Variants in GKN2 observed in about 807,000 individuals in gnomAD.
GKN2 encodes gastrokine 2.
Under a neutral mutation model 22.7 loss-of-function variants are expected in GKN2, and 17 were observed. That is an observed-to-expected ratio of 0.75 (90% CI 0.51 to 1.13). The LOEUF (loss-of-function observed/expected upper bound fraction) is 1.13, where lower values mean the gene tolerates loss of function less well. GKN2 is among the 50% of genes most tolerant of loss of function. GKN2 has a pLI of 0.00. For missense variants in GKN2, 248 were observed against 221.4 expected, an observed-to-expected ratio of 1.12 and a Z score of -0.76; for synonymous variants, 82 against 79.6, an observed-to-expected ratio of 1.03 and a Z score of -0.16.
Position 68,952,384 on chromosome 2 carries a change from T to C in GKN2, c.12+466A>G, listed in dbSNP as rs574637794. 1.1e-3 allele frequency among the ~76,000 whole-genome samples: 163 copies of C among 152,268 alleles called. 1 individual carries two copies. The highest frequency in any genetic ancestry group is 2.6e-3 in the Admixed American group (39 of 15,290). On this transcript the variant is annotated intron_variant, in intron 1 of 5. Transcript: ENST00000328895. ...AACGGGGAGAATACTACTCAACTCA[T>C]AGGGTTGTTGCAATGAATAGATGAA...
At chr2:68,951,760 C>T (rs569462300) in intron 1 of GKN2, among the ~76,000 whole-genome samples, 6 of 152,310 alleles carry the variant, frequency 3.9e-5, no homozygotes, top group African/African-American at 1.4e-4. Flanking sequence ...CCCGTATATT[C>T]TAGTTAATGA....
chr2:68,948,594 A>G (rs1669807528), intron 3 of GKN2, among the ~76,000 whole-genome samples: 1 of 152,158 alleles, frequency 6.6e-6, no homozygotes, highest in African/African-American at 2.4e-5. Flanking sequence ...CTCAAACCCA[A>G]GCTGGCTGGA....
rs747360838 is a variant in GKN2, at chr2:68,945,365, A to G, written c.*3T>C. On this transcript the variant is annotated 3_prime_UTR_variant, in exon 6 of 6. Transcript: ENST00000328895. The stretch of plus-strand genomic sequence containing the variant: ...AAAAGATAAAACAAGAGGGCTAATC[A>G]TCCTAAACATGAATGTCTGCACAGA... 2.8e-5 allele frequency: 44 copies of G among 1,579,464 alleles called. No homozygotes were observed. The highest frequency in any genetic ancestry group is 3.8e-5 in the Non-Finnish European group (44 of 1,157,336).
rs758589595 is a variant in GKN2, at chr2:68,945,359, C to T, written c.*9G>A. ...TCTTTGAAAAGATAAAACAAGAGGG[C>T]TAATCATCCTAAACATGAATGTCTG... is the stretch of plus-strand genomic sequence containing the variant. On this transcript the variant is annotated 3_prime_UTR_variant, in exon 6 of 6. Coordinates refer to ENST00000328895, the MANE Select transcript of GKN2 (RefSeq NM_182536.3). 5 of 1,570,052 alleles carry T rather than the reference C, an allele frequency of 3.2e-6. No homozygotes were observed. Among genetic ancestry groups the T allele is most frequent in the Non-Finnish European group, 4.3e-6 (5 of 1,150,658 alleles).
chr2:68,946,837 T>A (rs1669777795), intron 4 of GKN2, among the ~76,000 whole-genome samples: 1 of 152,178 alleles, frequency 6.6e-6, no homozygotes, highest in South Asian at 2.1e-4. Flanking sequence ...TTATTATTGT[T>A]CCAGTCACCA....
intron 5 of GKN2, 157 bp downstream of exon 5, chr2:68,946,147 G>T: frequency 5.5e-6 from 3 of 545,806 alleles, no homozygotes; most frequent in Non-Finnish European, 3.1e-6. Flanking sequence ...CTAAAATTTA[G>T]CACAATTTAC....
chr2:68,945,634 A>G, intron 5 of GKN2, 184 bp from the exon 6 acceptor site: 1 of 474,670 alleles, frequency 2.1e-6, no homozygotes, highest in East Asian at 3.1e-5. Context: ...TACTTTATGA[A>G]TGAGTACTTA....
intron 1 of GKN2, 43 bp from the exon 2 acceptor site, chr2:68,950,798 A>C (rs1251766850): frequency 9.4e-6 from 15 of 1,599,026 alleles, no homozygotes; most frequent in African/African-American, 1.3e-5. Flanking sequence ...TAGGGTAGTC[A>C]TTGAGTGTGG....
Position 68,952,864 on chromosome 2 carries a change from TG to T in GKN2, c.-4del. ...CAAATACTCACAAGTATTTTCATTT[TG>T]CCTGGGAGAGGAAGGTGCTGGAGTA... On this transcript the variant is annotated 5_prime_UTR_variant, in exon 1 of 6. Transcript: ENST00000328895. 6.2e-7 allele frequency: 1 copy of T among 1,614,082 alleles called. No homozygotes were observed. Among genetic ancestry groups the T allele is most frequent in the Non-Finnish European group, 8.5e-7 (1 of 1,179,958 alleles).
chr2:68,950,330 A>G, intron 2 of GKN2, 67 bp from the exon 3 acceptor site: 3 of 1,474,988 alleles, frequency 2.0e-6, no homozygotes, highest in Non-Finnish European at 2.8e-6. Flanking sequence ...AACTCTTCCA[A>G]CAAAATAAAG....
chr2:68,950,189 A>G lies in GKN2; in HGVS notation c.141T>C (p.Asn47=), dbSNP rs764800996. The change falls in exon 3 of 6, where the codon AAT becomes AAC. Residue 47 remains asparagine (N), a synonymous_variant. Coordinates refer to ENST00000328895, the MANE Select transcript of GKN2 (RefSeq NM_182536.3). ...CTGCATGGATGTTAATGATGGCGGTATTTTTTTCATTATCAATTGTCACTG... is the reference window on the plus strand; with the variant it reads ...CTGCATGGATGTTAATGATGGCGGTGTTTTTTTCATTATCAATTGTCACTG... ...QETVTIDNEK[N]TAIINIHAGS... is the part of the protein sequence containing the mutation. 2.5e-6 allele frequency: 4 copies of G among 1,613,834 alleles called. No homozygotes were observed. The East Asian group carries it at 8.9e-5, about 36-fold the overall frequency.
rs1669842292 is a variant in GKN2 at position 68,950,706 on chromosome 2, T to C, written c.62A>G (p.Tyr21Cys). Residue 21 changes from tyrosine (Y) to cysteine (C), a missense_variant, in exon 2 of 6, where the codon TAC becomes TGC. Transcript: ENST00000328895. The part of the protein sequence containing the change: ...LTIFGIQSHG[Y>C]EVFNIISPSN... ...GTCCATAAGGAACCAACTCACCTCGTATCCATGAGATTGTATCCCAAAGAT... is the reference window on the plus strand; with the variant it reads ...GTCCATAAGGAACCAACTCACCTCGCATCCATGAGATTGTATCCCAAAGAT... 1 of 1,613,990 alleles carries C rather than the reference T, an allele frequency of 6.2e-7. No homozygotes were observed. The highest frequency in any genetic ancestry group is 8.5e-7 in the Non-Finnish European group (1 of 1,179,848).
At chr2:68,949,621 T>C (rs567124004) in intron 3 of GKN2, among the ~76,000 whole-genome samples, 7 of 152,140 alleles carry the variant, frequency 4.6e-5, no homozygotes, top group African/African-American at 1.7e-4. Context: ...GATTCTGCCA[T>C]GTTGCCCAGG....
At chr2:68,948,258 A>C (rs62133320) in intron 3 of GKN2, among the ~76,000 whole-genome samples, 32 of 6,364 alleles carry the variant, frequency 5.0e-3, no homozygotes, top group South Asian at 0.011. Context: ...AAAAAAAACA[A>C]AAAAAAAAAA....
Position 68,950,771 on chromosome 2 carries a change from A to T in GKN2, c.13-16T>A, listed in dbSNP as rs767879274. The T allele has an allele frequency of 6.2e-7, 1 of 1,613,758 alleles. No individual in the cohort carries two copies. Among genetic ancestry groups the T allele is most frequent in the East Asian group, 2.2e-5 (1 of 44,872 alleles). ...GAAATGCCACCTGAAAAACAGACCCACCACATCCATTCTTTATAGGGTAGT... is the reference window on the plus strand; with the variant it reads ...GAAATGCCACCTGAAAAACAGACCCTCCACATCCATTCTTTATAGGGTAGT... On this transcript the variant is annotated splice_polypyrimidine_tract_variant and intron_variant, in intron 1 of 5. Coordinates refer to ENST00000328895, the MANE Select transcript of GKN2 (RefSeq NM_182536.3).
chr2:68,950,118 C>T lies in GKN2; in HGVS notation c.204+8G>A. The T allele has an allele frequency of 6.2e-7, 1 of 1,611,192 alleles. No homozygotes were observed. The highest frequency in any genetic ancestry group is 8.5e-7 in the Non-Finnish European group (1 of 1,178,744). Reference sequence around the variant, plus strand: ...CCTGATGAATATGAAAATTCATTTGCTGCTTACATGTTTATAGTCAAAAAT... The same window carrying T: ...CCTGATGAATATGAAAATTCATTTGTTGCTTACATGTTTATAGTCAAAAAT... On this transcript the variant is annotated splice_region_variant and intron_variant, in intron 3 of 5. Coordinates refer to ENST00000328895, the MANE Select transcript of GKN2 (RefSeq NM_182536.3).
chr2:68,945,854 T>A lies in GKN2; in HGVS notation c.473-404A>T, dbSNP rs561875678. The A allele has an allele frequency of 7.1e-4, 156 of 221,152 alleles. 1 individual carries two copies. In the South Asian group the frequency reaches 0.02, roughly 29 times the overall value. 13.7% of individuals were successfully genotyped at this position (221,152 alleles called of 1,614,324 possible). ...TACCCAGATGAATCAGGGTTTTTAC[T>A]CCCTGTCTGTAAGTCCGCTTGGCCT... On this transcript the variant is annotated intron_variant, in intron 5 of 5. Transcript: ENST00000328895.
At chr2:68,952,704 C>CCAAA (rs1311206227) in intron 1 of GKN2, 146 bp downstream of exon 1, 25 of 658,688 alleles carry the variant, frequency 3.8e-5, no homozygotes, top group Non-Finnish European at 6.0e-5. Context: ...ACTATTTCTG[C>CCAAA]CAAAGATGTC....
intron 3 of GKN2, 126 bp downstream of exon 3, chr2:68,949,999 GA>G (rs1239278401): frequency 1.4e-6 from 1 of 700,320 alleles, no homozygotes; most frequent in African/African-American, 1.9e-5. Context: ...AAGTGAAAGT[GA>G]GGAATTCTTA....
Sources: allele counts gnomAD v4.1 joint callset (sites outside exome capture counted in the v4.1 genomes callset), GRCh38; gene constraint gnomAD v4.1.1; transcripts MANE v1.5; gene names NCBI Gene and HGNC (gene_info 2026-07-23, HGNC 2026-07-21).